GPHN: variants seen among roughly 807,000 people sequenced by gnomAD.
GPHN encodes gephyrin.
Under a neutral mutation model 95.5 loss-of-function variants are expected in GPHN, and 17 were observed. That is an observed-to-expected ratio of 0.18 (90% CI 0.12 to 0.27). The LOEUF is 0.27. Among genes scored for constraint, GPHN ranks in the 10% least tolerant of loss-of-function variants. GPHN has a pLI of 1.00. For synonymous variants in GPHN, 320 were observed against 322.5 expected (o/e 0.99, Z 0.08); for missense variants, 660 against 978.1 (o/e 0.67, Z 4.34).
At chr14:66,824,115 A>G (rs1487045319) in intron 3 of GPHN, among the ~76,000 whole-genome samples, 1 of 152,196 alleles carries the variant, frequency 6.6e-6, no homozygotes, top group Non-Finnish European at 1.5e-5. Flanking sequence ...CCAAAATTTT[A>G]TGACATGTAA....
Position 66,779,029 on chromosome 14 carries a change from C to T in GPHN, c.201+2508C>T, listed in dbSNP as rs569822179. On this transcript the variant is annotated intron_variant, in intron 3 of 22. Transcript: ENST00000478722. ...AAAGTGCTGGGATTAAGGCATGAGC[C>T]ACTGCGCCCAGCCTCAAGGGACATT... 2.0e-5 allele frequency among the ~76,000 whole-genome samples: 3 copies of T among 152,064 alleles called. No individual in the cohort carries two copies. The South Asian group carries it at 6.2e-4, about 32-fold the overall frequency.
the GPHN span, among the ~76,000 whole-genome samples, chr14:67,268,714 G>A: frequency 3.3e-5 from 5 of 152,150 alleles, no homozygotes; most frequent in Admixed American, 6.5e-5. Context: ...ACCAGAGGTC[G>A]GGATTTGCCT....
chr14:67,671,825 C>A, the GPHN span, among the ~76,000 whole-genome samples: 3 of 152,140 alleles, frequency 2.0e-5, no homozygotes, highest in Admixed American at 2.0e-4. Context: ...AGAGAGCAGG[C>A]AAGCAAGAGA....
At chr14:66,802,918 A>G (rs2060412149) in intron 3 of GPHN, among the ~76,000 whole-genome samples, 1 of 152,064 alleles carries the variant, frequency 6.6e-6, no homozygotes, top group South Asian at 2.1e-4. Context: ...TCCTGGGGTT[A>G]GGGGAGGGGT....
intron 9 of GPHN, chr14:66,969,648 A>G (rs889226870): frequency 1.3e-5 from 2 of 152,172 alleles, no homozygotes; most frequent in African/African-American, 4.8e-5. Flanking sequence ...AAAAATACAA[A>G]AAATTAGCCG....
intron 17 of GPHN, among the ~76,000 whole-genome samples, chr14:67,136,827 AG>A: frequency 6.6e-6 from 1 of 152,292 alleles, no homozygotes; most frequent in South Asian, 2.1e-4. Context: ...AACAATGGTT[AG>A]GTATTTAATT....
chr14:66,804,318 C>T (rs2060465998), intron 3 of GPHN, among the ~76,000 whole-genome samples: 1 of 152,178 alleles, frequency 6.6e-6, no homozygotes, highest in Admixed American at 6.5e-5. Flanking sequence ...CCAGCCTAAC[C>T]AATATAGCCT....
At chr14:66,551,225 A>G (rs1157900910) in intron 1 of GPHN, 1 of 152,244 alleles carries the variant, frequency 6.6e-6, no homozygotes, top group Non-Finnish European at 1.5e-5. Flanking sequence ...TGCACTCTTA[A>G]TAGAATACAG....
chr14:67,573,715 G>C, the GPHN span: 1 of 875,210 alleles, frequency 1.1e-6, no homozygotes, highest in African/African-American at 1.6e-5. This position sits in a 1 kb window ranked among gnomAD's most constrained non-coding sequence, Gnocchi z 4.8. Context: ...CTTTGCTTAT[G>C]ACGTGGAGGA....
chr14:67,511,970 C>A, the GPHN span, among the ~76,000 whole-genome samples: 1 of 152,240 alleles, frequency 6.6e-6, no homozygotes, highest in Admixed American at 6.5e-5. Flanking sequence ...TGAATCACAG[C>A]AGCATGGGGC....
At chr14:67,085,904 T>A (rs2076866033) in intron 11 of GPHN, among the ~76,000 whole-genome samples, 1 of 152,196 alleles carries the variant, frequency 6.6e-6, no homozygotes. Flanking sequence ...ACCATTCTAC[T>A]TTCTATCTCT....
At chr14:66,584,102 A>G (rs944327701) in intron 1 of GPHN, among the ~76,000 whole-genome samples, 22 of 152,184 alleles carry the variant, frequency 1.4e-4, no homozygotes, top group African/African-American at 3.6e-4. Flanking sequence ...GGTCCTTCAC[A>G]TCCCTTGTAA....
chr14:67,130,188 G>C (rs1303209996), intron 17 of GPHN, among the ~76,000 whole-genome samples: 1 of 152,118 alleles, frequency 6.6e-6, no homozygotes, highest in Admixed American at 6.5e-5. Context: ...TGATGCTGAG[G>C]TTTTGAGAAC....
At chr14:66,721,971 A>G (rs1417147514) in intron 2 of GPHN, among the ~76,000 whole-genome samples, 1 of 149,632 alleles carries the variant, frequency 6.7e-6, no homozygotes, top group Non-Finnish European at 1.5e-5. Context: ...AAAAAAAAAA[A>G]GGAAAAAAAA....
chr14:66,561,455 A>T (rs1037777183), intron 1 of GPHN, among the ~76,000 whole-genome samples: 3 of 151,950 alleles, frequency 2.0e-5, no homozygotes, highest in Non-Finnish European at 4.4e-5. Flanking sequence ...TCGAATCCTG[A>T]GGTTTCTTGA....
the GPHN span, among the ~76,000 whole-genome samples, chr14:67,676,221 AGG>A: frequency 2.6e-5 from 4 of 152,264 alleles, no homozygotes; most frequent in Non-Finnish European, 5.9e-5. Context: ...ATGACTGCTC[AGG>A]AGAAAATGCT....
the GPHN span, among the ~76,000 whole-genome samples, chr14:67,225,832 G>T: frequency 5.3e-5 from 8 of 152,176 alleles, no homozygotes; most frequent in Middle Eastern, 6.8e-3. Context: ...TCTCAGCCAT[G>T]ATAACAACAC....
chr14:67,336,912 ACC>A, the GPHN span, among the ~76,000 whole-genome samples: 1 of 152,222 alleles, frequency 6.6e-6, no homozygotes, highest in Non-Finnish European at 1.5e-5. Context: ...GTCTTTAAAT[ACC>A]CAAAGTTTGA....
At chr14:66,585,114 T>G (rs193252262) in intron 1 of GPHN, among the ~76,000 whole-genome samples, 59 of 152,226 alleles carry the variant, frequency 3.9e-4, no homozygotes, top group Non-Finnish European at 6.2e-4. Context: ...GATTTAGTCT[T>G]GGGAGGGTGT....
Sources: allele counts gnomAD v4.1 joint callset (sites outside exome capture counted in the v4.1 genomes callset), GRCh38; gene constraint gnomAD v4.1.1; non-coding constraint Gnocchi (gnomAD v3.1); transcripts MANE v1.5; gene names NCBI Gene and HGNC (gene_info 2026-07-23, HGNC 2026-07-21).